The following POU6F2 variants were observed in gnomAD, a reference collection of about 807,000 sequenced individuals.
POU6F2 encodes the protein POU class 6 homeobox 2, also known as POU domain, class 6, transcription factor 2.
POU6F2 carries 31 observed loss-of-function variants against 71.3 expected under a neutral mutation model. That is an observed-to-expected ratio of 0.43 (90% confidence interval 0.33 to 0.59). The LOEUF is 0.59. Among genes scored for constraint, POU6F2 ranks in the 20% least tolerant of loss-of-function variants. POU6F2 has a pLI of 0.04. For synonymous variants in POU6F2, 347 were observed against 355.7 expected (o/e 0.98, Z 0.27); for missense variants, 783 against 856.8 (o/e 0.91, Z 1.07).
At chr7:39,140,998 G>A (rs924499963) in intron 2 of POU6F2, among the ~76,000 whole-genome samples, 6 of 152,128 alleles carry the variant, frequency 3.9e-5, no homozygotes, top group African/African-American at 1.4e-4. Flanking sequence ...TTTTGGGATT[G>A]TGGAGAGGCT....
intron 1 of POU6F2, among the ~76,000 whole-genome samples, chr7:39,076,664 T>C (rs1305361758): frequency 1.3e-5 from 2 of 152,108 alleles, no homozygotes; most frequent in Non-Finnish European, 2.9e-5. Context: ...AAAGACTCCA[T>C]GTAAAATAGA....
At chr7:39,316,161 T>C (rs1185420691) in intron 4 of POU6F2, among the ~76,000 whole-genome samples, 1 of 152,182 alleles carries the variant, frequency 6.6e-6, no homozygotes, top group Admixed American at 6.5e-5. Flanking sequence ...CATGCCTCAG[T>C]CTATTGACAG....
At chr7:39,114,368 AT>A (rs1791885152) in intron 2 of POU6F2, among the ~76,000 whole-genome samples, 1 of 151,752 alleles carries the variant, frequency 6.6e-6, no homozygotes, top group African/African-American at 2.4e-5. Flanking sequence ...GGAATTTAGC[AT>A]TTACCCTTCA....
In POU6F2 at chr7:39,403,875, G is replaced by T. The variant is rs1787357880; in HGVS notation, c.973-2725G>T. On this transcript the variant is annotated intron_variant, in intron 5 of 9. Transcript: ENST00000518318. The stretch of plus-strand genomic sequence containing the variant: ...CAGTGGTCCTCCTGGAATGCCGTCA[G>T]CTTACAGATTGGCTTGCACCCACTG... Among the ~76,000 whole-genome samples the T allele has an allele frequency of 1.3e-5, 2 of 152,234 alleles. 1 individual carries two copies. Among genetic ancestry groups the T allele is most frequent in the South Asian group, 4.1e-4 (2 of 4,832 alleles).
intron 1 of POU6F2, among the ~76,000 whole-genome samples, chr7:38,989,722 T>C (rs1788553179): frequency 6.6e-6 from 1 of 151,612 alleles, no homozygotes; most frequent in South Asian, 2.1e-4. Context: ...AAATATATCC[T>C]GAGAAGTAAG....
chr7:39,215,993 C>T (rs1014265598), intron 4 of POU6F2, among the ~76,000 whole-genome samples: 4 of 152,086 alleles, frequency 2.6e-5, no homozygotes, highest in African/African-American at 2.4e-5. Context: ...ATGTTTTTTT[C>T]GTTACAAAGG....
chr7:39,051,529 A>G (rs1297070580), intron 1 of POU6F2, among the ~76,000 whole-genome samples: 1 of 152,120 alleles, frequency 6.6e-6, no homozygotes, highest in East Asian at 1.9e-4. Flanking sequence ...AGCTTTTCAC[A>G]TATACTCTAC....
intron 2 of POU6F2, among the ~76,000 whole-genome samples, chr7:39,185,097 C>A (rs1793506308): frequency 6.6e-6 from 1 of 151,962 alleles, no homozygotes; most frequent in South Asian, 2.1e-4. Flanking sequence ...ATAATATAGA[C>A]CTGGAATTTT....
At chr7:39,011,748 G>A (rs1223320414) in intron 1 of POU6F2, among the ~76,000 whole-genome samples, 2 of 149,292 alleles carry the variant, frequency 1.3e-5, no homozygotes, top group Admixed American at 6.7e-5. Flanking sequence ...GCATTTGCTT[G>A]TCTGTAAAGT....
intron 5 of POU6F2, among the ~76,000 whole-genome samples, chr7:39,381,330 C>T (rs964113554): frequency 1.3e-5 from 2 of 152,166 alleles, no homozygotes; most frequent in South Asian, 2.1e-4. Context: ...CTCTGCCTCC[C>T]GGGTTCAAGC....
chr7:39,293,309 T>TC, intron 4 of POU6F2, among the ~76,000 whole-genome samples: 1 of 152,034 alleles, frequency 6.6e-6, no homozygotes, highest in Non-Finnish European at 1.5e-5. Flanking sequence ...ATAAAGAATC[T>TC]CCCCTCAAAA....
chr7:38,986,621 G>GTTAA (rs1417305007), intron 1 of POU6F2, among the ~76,000 whole-genome samples: 3 of 152,090 alleles, frequency 2.0e-5, no homozygotes, highest in Non-Finnish European at 4.4e-5. Flanking sequence ...ATTGAAGTGA[G>GTTAA]TTAATTACAT....
At chr7:39,317,411 A>G (rs1444907252) in intron 4 of POU6F2, among the ~76,000 whole-genome samples, 1 of 152,222 alleles carries the variant, frequency 6.6e-6, no homozygotes, top group Non-Finnish European at 1.5e-5. Flanking sequence ...GTTGCCTGGA[A>G]CATAGTAGGC....
chr7:39,204,945 A>C (rs1793980543), intron 3 of POU6F2, among the ~76,000 whole-genome samples: 1 of 149,450 alleles, frequency 6.7e-6, no homozygotes, highest in African/African-American at 2.5e-5. Context: ...TTTAGTGTGA[A>C]GCTTTCAGAG....
In POU6F2 at chr7:39,262,540, A is replaced by G. The variant is rs551781285; in HGVS notation, c.598+54920A>G. ...AACTGCTATACAACTGTGTAGAGCAATTTTGTGCTCCTTCTTTTTATAAAT... is the reference window on the plus strand; with the variant it reads ...AACTGCTATACAACTGTGTAGAGCAGTTTTGTGCTCCTTCTTTTTATAAAT... On this transcript the variant is annotated intron_variant, in intron 4 of 9. Coordinates refer to ENST00000518318, the MANE Select transcript of POU6F2 (RefSeq NM_001370959.1). Among the ~76,000 whole-genome samples the G allele has an allele frequency of 5.2e-4, 79 of 152,244 alleles. 1 individual carries two copies. The highest frequency in any genetic ancestry group is 1.9e-3 in the African/African-American group (77 of 41,538).
chr7:39,042,813 A>G (rs1218665892), intron 1 of POU6F2, among the ~76,000 whole-genome samples: 1 of 151,626 alleles, frequency 6.6e-6, no homozygotes, highest in Non-Finnish European at 1.5e-5. Context: ...TTTCAGTTCT[A>G]TGTGGCTGGC....
intron 8 of POU6F2, among the ~76,000 whole-genome samples, chr7:39,456,788 C>T (rs1385113069): frequency 6.6e-6 from 1 of 152,188 alleles, no homozygotes; most frequent in Non-Finnish European, 1.5e-5. Context: ...TGGACCATCA[C>T]CCTGTTTAAA....
At chr7:39,257,258 C>T (rs1234401074) in intron 4 of POU6F2, among the ~76,000 whole-genome samples, 1 of 152,190 alleles carries the variant, frequency 6.6e-6, no homozygotes, top group Admixed American at 6.5e-5. Flanking sequence ...CTTCCTAATA[C>T]TTTGGGGAAA....
intron 1 of POU6F2, among the ~76,000 whole-genome samples, chr7:39,016,186 C>A (rs1789543548): frequency 1.5e-5 from 2 of 132,848 alleles, no homozygotes; most frequent in African/African-American, 2.8e-5. Context: ...TACATTATAT[C>A]TATATTATAT....
Sources: gnomAD v4.1 joint callset for allele counts (sites outside exome capture counted in the v4.1 genomes callset) on GRCh38, gnomAD v4.1.1 for gene constraint, MANE v1.5 for transcripts, NCBI Gene and HGNC (gene_info 2026-07-23, HGNC 2026-07-21) for gene names.